The following SEC14L5 variants were observed in gnomAD, a reference collection of about 807,000 sequenced individuals.
SEC14L5 encodes SEC14-like protein 5.
In SEC14L5, 96 loss-of-function variants were observed where a neutral mutation model predicts 84.6. That is an observed-to-expected ratio of 1.13 (90% CI 0.96 to 1.34). The LOEUF (loss-of-function observed/expected upper bound fraction) is 1.34. SEC14L5 is among the 40% of genes most tolerant of loss of function. The pLI, the probability that SEC14L5 is intolerant of heterozygous loss-of-function variation, is 0.00. For synonymous variants in SEC14L5, 546 were observed against 383.4 expected, an observed-to-expected ratio of 1.42 and a Z score of -4.95; for missense variants, 1,224 against 942.5, an observed-to-expected ratio of 1.30 and a Z score of -3.91.
At chr16:4,962,721 T>C (rs2142469394) in intron 2 of SEC14L5, among the ~76,000 whole-genome samples, 1 of 151,032 alleles carries the variant, frequency 6.6e-6, no homozygotes, top group East Asian at 1.9e-4. Flanking sequence ...TCCTTATCTG[T>C]ACCTGCGTTA....
At position 5,018,247 on chromosome 16, in the gene SEC14L5, C is replaced by T. The variant is rs182727889; in HGVS notation, c.*3277C>T. 5.2e-4 allele frequency: 79 copies of T among 152,354 alleles called. 1 individual carries two copies. Among genetic ancestry groups the T allele is most frequent in the African/African-American group, 1.8e-3 (74 of 41,588 alleles). The allele number at this position is 152,354 out of a possible 1,614,324, so 9.4% of individuals were successfully genotyped here. ...TGGTCATTCTGATTACTTAATGCTT[C>T]GCATCCAAAGACTCGTTTTCTTCCT... On this transcript the variant is annotated 3_prime_UTR_variant, in exon 16 of 16. Coordinates refer to ENST00000251170, the MANE Select transcript of SEC14L5 (RefSeq NM_014692.2).
chr16:4,979,344 A>G (rs888487883), intron 2 of SEC14L5, among the ~76,000 whole-genome samples: 1 of 152,100 alleles, frequency 6.6e-6, no homozygotes, highest in Admixed American at 6.6e-5. Flanking sequence ...TTGCAGCTTG[A>G]TCCCTCACAA....
intron 2 of SEC14L5, among the ~76,000 whole-genome samples, chr16:4,974,957 T>A (rs1304148422): frequency 1.3e-5 from 2 of 151,982 alleles, no homozygotes; most frequent in Admixed American, 6.6e-5. Context: ...TTTGTATTTT[T>A]AGTAAATATG....
chr16:4,991,828 T>G lies in SEC14L5; in HGVS notation c.475-10T>G. 1 of 1,591,336 alleles carries G rather than the reference T, an allele frequency of 6.3e-7. No individual in the cohort carries two copies. Among genetic ancestry groups the G allele is most frequent in the Non-Finnish European group, 8.6e-7 (1 of 1,167,836 alleles). The stretch of plus-strand genomic sequence containing the variant: ...CGTGCTCATGTGTCTTGGGTCTCTC[T>G]GGCTTCCAGGGGAAGGAGGTGATTG... On this transcript the variant is annotated splice_polypyrimidine_tract_variant and intron_variant, in intron 5 of 15. Transcript: ENST00000251170.
At chr16:4,998,909 C>T (rs921810229) in intron 8 of SEC14L5, among the ~76,000 whole-genome samples, 7 of 152,024 alleles carry the variant, frequency 4.6e-5, no homozygotes, top group African/African-American at 1.7e-4. Flanking sequence ...TACTTGTAAC[C>T]CCCAAATCAG....
At chr16:5,006,249 C>T (rs955149398) in intron 12 of SEC14L5, among the ~76,000 whole-genome samples, 1 of 152,222 alleles carries the variant, frequency 6.6e-6, no homozygotes, top group East Asian at 1.9e-4. Context: ...TGATGCTGTT[C>T]TGAGGTTGGG....
intron 10 of SEC14L5, among the ~76,000 whole-genome samples, chr16:5,002,647 G>A (rs1411656583): frequency 1.3e-5 from 2 of 152,222 alleles, no homozygotes; most frequent in African/African-American, 4.8e-5. Context: ...TTGGAGAGGT[G>A]TGTGCAGGTT....
At chr16:4,963,187 T>C (rs1955150699) in intron 2 of SEC14L5, among the ~76,000 whole-genome samples, 1 of 152,254 alleles carries the variant, frequency 6.6e-6, no homozygotes, top group Non-Finnish European at 1.5e-5. Context: ...AATTGTGCTT[T>C]GAGGTAACCT....
intron 2 of SEC14L5, among the ~76,000 whole-genome samples, chr16:4,968,038 A>T (rs1311753481): frequency 7.8e-6 from 1 of 128,226 alleles, no homozygotes; most frequent in Non-Finnish European, 1.6e-5. Context: ...TTCTTTTTTG[A>T]GACAGGGGCT....
At chr16:4,982,856 G>C (rs925838760) in intron 2 of SEC14L5, among the ~76,000 whole-genome samples, 1 of 152,198 alleles carries the variant, frequency 6.6e-6, no homozygotes, top group African/African-American at 2.4e-5. Context: ...CAGGGCTCGA[G>C]TCTGTGCTGT....
chr16:5,011,785 C>T (rs551096839), intron 15 of SEC14L5, among the ~76,000 whole-genome samples: 71 of 152,260 alleles, frequency 4.7e-4, no homozygotes, highest in African/African-American at 1.6e-3. Context: ...ATGGGAACCA[C>T]TGGAGCCCCA....
chr16:4,985,409 G>A (rs1955473600), intron 2 of SEC14L5, among the ~76,000 whole-genome samples: 1 of 151,940 alleles, frequency 6.6e-6, no homozygotes, highest in Admixed American at 6.6e-5. Flanking sequence ...TCTATTTTTA[G>A]GAGAGACAGG....
intron 5 of SEC14L5, among the ~76,000 whole-genome samples, chr16:4,991,617 T>C (rs1321185138): frequency 1.3e-5 from 2 of 152,178 alleles, no homozygotes; most frequent in East Asian, 3.9e-4. Flanking sequence ...AACTGATTAC[T>C]GAGCTATTTT....
intron 8 of SEC14L5, among the ~76,000 whole-genome samples, chr16:4,997,856 CA>C (rs1955628561): frequency 6.6e-6 from 1 of 152,086 alleles, no homozygotes; most frequent in African/African-American, 2.4e-5. Context: ...TCTCTCTTCA[CA>C]TGGCCTTCCC....
intron 2 of SEC14L5, among the ~76,000 whole-genome samples, chr16:4,985,791 A>G (rs970154979): frequency 2.0e-5 from 3 of 150,374 alleles, no homozygotes; most frequent in Non-Finnish European, 3.0e-5. Flanking sequence ...TACTATCTAT[A>G]TTTATAAAAT....
At chr16:4,971,869 G>A (rs1955284807) in intron 2 of SEC14L5, among the ~76,000 whole-genome samples, 1 of 152,152 alleles carries the variant, frequency 6.6e-6, no homozygotes, top group Admixed American at 6.5e-5. Context: ...AATGTCCCAG[G>A]TGTTGTACAA....
chr16:4,965,208 T>C (rs1195387810), intron 2 of SEC14L5, among the ~76,000 whole-genome samples: 1 of 152,200 alleles, frequency 6.6e-6, no homozygotes, highest in African/African-American at 2.4e-5. Context: ...TTTTTATGGC[T>C]AAATAAATAC....
chr16:4,967,561 CGT>C (rs1491570099), intron 2 of SEC14L5, among the ~76,000 whole-genome samples: 25 of 86,268 alleles, frequency 2.9e-4, no homozygotes, highest in African/African-American at 3.2e-4. Flanking sequence ...TTCTTTCTTT[CGT>C]TTTTTTTTTT....
rs114993846 is a variant in SEC14L5, at chr16:5,001,893, C to G, written c.1130+968C>G. Among the ~76,000 whole-genome samples, 634 of 152,276 alleles carry G rather than the reference C, an allele frequency of 4.2e-3. 3 individuals carry two copies. The highest frequency in any genetic ancestry group is 0.014 in the African/African-American group (601 of 41,556). ...GCTCAAGCAGTCCTCCCACCTCAGC[C>G]TCCCAAGCAGCGGGGACTATAAATG... On this transcript the variant is annotated intron_variant, in intron 10 of 15. Transcript: ENST00000251170.
Sources: allele counts gnomAD v4.1 joint callset (sites outside exome capture counted in the v4.1 genomes callset), GRCh38; gene constraint gnomAD v4.1.1; transcripts MANE v1.5; gene names NCBI Gene and HGNC (gene_info 2026-07-23, HGNC 2026-07-21).